Variants in CACNA1D observed in about 807,000 individuals in gnomAD.
CACNA1D encodes the protein calcium voltage-gated channel subunit alpha1 D, also known as voltage-dependent L-type calcium channel subunit alpha-1D.
A neutral mutation model predicts 257.1 loss-of-function variants in CACNA1D; 55 were observed. The ratio of observed to expected loss-of-function variants is 0.21; its 90% confidence interval spans 0.17 to 0.27. CACNA1D has a LOEUF of 0.27. Ranked by LOEUF, CACNA1D falls within the 10% of genes least tolerant of loss-of-function variation. CACNA1D has a pLI of 1.00. For synonymous variants in CACNA1D, 980 were observed against 1,014.9 expected, an observed-to-expected ratio of 0.97 and a Z score of 0.65; for missense variants, 1,876 against 2,784.0, an observed-to-expected ratio of 0.67 and a Z score of 7.34.
chr3:53,534,936 C>A (rs2092069546), intron 3 of CACNA1D, among the ~76,000 whole-genome samples: 1 of 152,166 alleles, frequency 6.6e-6, no homozygotes, highest in African/African-American at 2.4e-5. Context: ...GTCTCTCTTT[C>A]TGTCTCTGTG....
Position 53,673,806 on chromosome 3 carries a change from G to A in CACNA1D, c.1220+680G>A. The stretch of plus-strand genomic sequence containing the variant: ...TTTCGTCCTTAACCTGGTTCTTGGT[G>A]TCCTTAGTGGGTAAGCAGTCGGATC... On this transcript the variant is annotated intron_variant, in intron 8 of 47. Transcript: ENST00000350061. This position sits in a 1 kb window ranked among gnomAD's most constrained non-coding sequence, Gnocchi z 4.1. 1 of 1,610,206 alleles carries A rather than the reference G, an allele frequency of 6.2e-7. No individual in the cohort carries two copies. The highest frequency in any genetic ancestry group is 1.1e-5 in the South Asian group (1 of 90,988).
At chr3:53,577,935 A>G (rs1399575573) in intron 3 of CACNA1D, among the ~76,000 whole-genome samples, 1 of 151,502 alleles carries the variant, frequency 6.6e-6, no homozygotes, top group Non-Finnish European at 1.5e-5. Flanking sequence ...CTCAACCTGG[A>G]TGTGTTTTGG....
At chr3:53,625,769 AC>A (rs2093751409) in intron 3 of CACNA1D, among the ~76,000 whole-genome samples, 1 of 152,192 alleles carries the variant, frequency 6.6e-6, no homozygotes, top group Non-Finnish European at 1.5e-5. Flanking sequence ...TACAGATAGG[AC>A]TTAATTTTCT....
At chr3:53,790,957 CACTGGCTGATTCG>C (rs2095479642) in intron 40 of CACNA1D, 1 of 702,140 alleles carries the variant, frequency 1.4e-6, no homozygotes, top group Admixed American at 2.0e-5. Flanking sequence ...GATGAGATTT[CACTGGCTGATTCG>C]TTTGTTTCAG....
intron 3 of CACNA1D, among the ~76,000 whole-genome samples, chr3:53,610,746 G>A (rs1195468808): frequency 6.6e-6 from 1 of 151,724 alleles, no homozygotes. Flanking sequence ...AATATTCTTT[G>A]ACATTCCATT....
At chr3:53,632,579 G>A (rs1290070489) in intron 3 of CACNA1D, among the ~76,000 whole-genome samples, 1 of 152,278 alleles carries the variant, frequency 6.6e-6, no homozygotes, top group Non-Finnish European at 1.5e-5. Flanking sequence ...CTTTCAGCCT[G>A]TCTCTGCTTT....
At chr3:53,573,748 T>TTGAA (rs750117014) in intron 3 of CACNA1D, among the ~76,000 whole-genome samples, 17 of 152,252 alleles carry the variant, frequency 1.1e-4, no homozygotes, top group South Asian at 2.1e-4. Context: ...CTATACATGG[T>TTGAA]TGAATGAATG....
intron 3 of CACNA1D, 110 bp downstream of exon 3, chr3:53,501,830 C>T (rs1212325195): frequency 1.8e-5 from 13 of 714,942 alleles, no homozygotes; most frequent in South Asian, 1.0e-4. Context: ...CTATGCATGT[C>T]GTGTTTCTTG....
At chr3:53,596,552 T>C (rs2093372859) in intron 3 of CACNA1D, among the ~76,000 whole-genome samples, 1 of 152,178 alleles carries the variant, frequency 6.6e-6, no homozygotes, top group Non-Finnish European at 1.5e-5. Context: ...AAGATTACTC[T>C]GGATTTAGAT....
intron 9 of CACNA1D, among the ~76,000 whole-genome samples, chr3:53,716,680 A>T (rs1474084912): frequency 6.6e-6 from 1 of 152,188 alleles, no homozygotes; most frequent in Non-Finnish European, 1.5e-5. Flanking sequence ...AAATTATTCT[A>T]TGAGAGTACC....
intron 3 of CACNA1D, among the ~76,000 whole-genome samples, chr3:53,631,138 G>C (rs931539933): frequency 4.6e-5 from 7 of 152,260 alleles, no homozygotes; most frequent in African/African-American, 1.4e-4. Context: ...CCACATGATA[G>C]ATTCTTCCTT....
Position 53,751,352 on chromosome 3 carries a change from CCTATAGATCCCCCG to C in CACNA1D, c.3517-396_3517-383del, listed in dbSNP as rs1184268290. Among the ~76,000 whole-genome samples the C allele has an allele frequency of 2.0e-5, 3 of 152,206 alleles. No individual in the cohort carries two copies. The highest frequency in any genetic ancestry group is 7.2e-5 in the African/African-American group (3 of 41,456). ...GCAGGGGAACTATAGGTGTGATCCA[CCTATAGATCCCCCG>C]TATGTGTGATAAAGAGGAAAGGCAG... On this transcript the variant is annotated intron_variant, in intron 27 of 47. Transcript: ENST00000350061. This position sits in a 1 kb window ranked among gnomAD's most constrained non-coding sequence, Gnocchi z 4.3.
At position 53,495,313 on chromosome 3, in the gene CACNA1D, C is replaced by G. The variant is rs2090297339; in HGVS notation, c.67+80C>G. ...CCAGCCCCCTCCCCCTTCCCCGCGG[C>G]GCTGGATGGGTTGAGGGGGTTGGAG... On this transcript the variant is annotated intron_variant, in intron 1 of 47. Transcript: ENST00000350061. The surrounding 1 kb of genome is among the most constrained non-coding windows in gnomAD (Gnocchi z 5.1). 2 of 1,564,546 alleles carry G rather than the reference C, an allele frequency of 1.3e-6. No homozygotes were observed. The highest frequency in any genetic ancestry group is 3.3e-5 in the Admixed American group (2 of 59,890).
At chr3:53,734,947 T>C (rs1196418478) in intron 19 of CACNA1D, among the ~76,000 whole-genome samples, 1 of 152,204 alleles carries the variant, frequency 6.6e-6, no homozygotes, top group Non-Finnish European at 1.5e-5. Flanking sequence ...CTGGCCTCAG[T>C]TTCCTCTCTC....
At chr3:53,719,377 G>A (rs1182024552) in intron 10 of CACNA1D, among the ~76,000 whole-genome samples, 5 of 152,308 alleles carry the variant, frequency 3.3e-5, no homozygotes, top group South Asian at 2.1e-4. Flanking sequence ...TCACCCAGTG[G>A]GAGAATGGCA....
intron 3 of CACNA1D, among the ~76,000 whole-genome samples, chr3:53,643,371 G>C (rs1427968478): frequency 6.6e-6 from 1 of 152,102 alleles, no homozygotes; most frequent in Non-Finnish European, 1.5e-5. Flanking sequence ...AGGTTGAATC[G>C]GCTTGTAGAA....
chr3:53,569,064 C>A (rs2092899371), intron 3 of CACNA1D, among the ~76,000 whole-genome samples: 1 of 152,156 alleles, frequency 6.6e-6, no homozygotes, highest in Non-Finnish European at 1.5e-5. Context: ...CTGGTGTTCC[C>A]CCCACCTCAC....
At chr3:53,639,886 CAG>C (rs1416337748) in intron 3 of CACNA1D, among the ~76,000 whole-genome samples, 1 of 120,696 alleles carries the variant, frequency 8.3e-6, no homozygotes, top group Non-Finnish European at 1.6e-5. Flanking sequence ...TTTTTTGACA[CAG>C]AGTCTCGCTC....
At chr3:53,709,617 G>A (rs1224468112) in intron 9 of CACNA1D, among the ~76,000 whole-genome samples, 10 of 152,166 alleles carry the variant, frequency 6.6e-5, no homozygotes, top group African/African-American at 2.2e-4. Flanking sequence ...ACACTGCTTC[G>A]CACAACCCTC....
Sources: gnomAD v4.1 joint callset for allele counts (sites outside exome capture counted in the v4.1 genomes callset) on GRCh38, gnomAD v4.1.1 for gene constraint, Gnocchi (gnomAD v3.1) non-coding constraint, MANE v1.5 for transcripts, NCBI Gene and HGNC (gene_info 2026-07-23, HGNC 2026-07-21) for gene names.